The following KRT76 variants were observed in gnomAD, a reference collection of about 807,000 sequenced individuals.
KRT76 encodes the protein keratin 76.
KRT76 carries 47 observed loss-of-function variants against 44.9 expected under a neutral mutation model. The observed-to-expected ratio is 1.05, with a 90% CI of 0.83 to 1.33. The LOEUF (loss-of-function observed/expected upper bound fraction) is 1.33. Ranked by LOEUF, KRT76 falls within the 40% of genes most tolerant of loss-of-function variation. KRT76 has a pLI of 0.00. For synonymous variants in KRT76, 331 were observed against 294.1 expected, an observed-to-expected ratio of 1.13 and a Z score of -1.28; for missense variants, 860 against 775.8, an observed-to-expected ratio of 1.11 and a Z score of -1.29.
intron 3 of KRT76, 62 bp downstream of exon 3, chr12:52,773,520 C>G (rs1939215999): frequency 1.6e-6 from 2 of 1,256,260 alleles, no homozygotes; most frequent in Non-Finnish European, 2.3e-6. Flanking sequence ...TGGCTGTGCA[C>G]TCTCTCCATG....
chr12:52,772,676 G>A, intron 4 of KRT76, 107 bp downstream of exon 4: 2 of 798,716 alleles, frequency 2.5e-6, no homozygotes, highest in South Asian at 2.9e-5. Flanking sequence ...TGAGTCCTGA[G>A]CCCCATTGCT....
intron 4 of KRT76, among the ~76,000 whole-genome samples, chr12:52,772,472 A>G (rs1222634583): frequency 6.6e-6 from 1 of 152,250 alleles, no homozygotes; most frequent in African/African-American, 2.4e-5. Flanking sequence ...TATCAGCCTG[A>G]AAGTATCAGC....
intron 2 of KRT76, among the ~76,000 whole-genome samples, 182 bp from the exon 3 acceptor site, chr12:52,773,824 ATTCT>A (rs1209259022): frequency 1.4e-5 from 2 of 143,660 alleles, no homozygotes; most frequent in Non-Finnish European, 3.0e-5. Flanking sequence ...CCATATTGAC[ATTCT>A]TTCTTTTTTT....
intron 1 of KRT76, among the ~76,000 whole-genome samples, chr12:52,776,075 G>A (rs1939257467): frequency 1.3e-5 from 2 of 151,242 alleles, no homozygotes; most frequent in South Asian, 4.1e-4. Context: ...TACAGTCAAT[G>A]AGGTCTAACA....
chr12:52,768,637 A>G lies in KRT76; in HGVS notation c.*76T>C. The G allele has an allele frequency of 6.7e-7, 1 of 1,495,718 alleles. No homozygotes were observed. The highest frequency in any genetic ancestry group is 1.4e-5 in the African/African-American group (1 of 72,080). 92.7% of individuals were successfully genotyped at this position (1,495,718 alleles called of 1,614,324 possible). On this transcript the variant is annotated 3_prime_UTR_variant, in exon 9 of 9. Coordinates refer to ENST00000332411, the MANE Select transcript of KRT76 (RefSeq NM_015848.4). ...GTGGTTGACCCTTATGCATCTATTG[A>G]TGCCAAGCAGAGAGTGGGAAACACT...
chr12:52,772,056 A>C, intron 5 of KRT76, 38 bp downstream of exon 5: 1 of 1,607,144 alleles, frequency 6.2e-7, no homozygotes, highest in Non-Finnish European at 8.5e-7. Flanking sequence ...TTCTCAATGA[A>C]GGTCATCAGG....
At position 52,776,767 on chromosome 12, in the gene KRT76, C is replaced by A. The variant is rs753789537; in HGVS notation, c.525G>T (p.Gln175His). The A allele has an allele frequency of 5.0e-6, 8 of 1,614,084 alleles. No homozygotes were observed. Among genetic ancestry groups the A allele is most frequent in the Non-Finnish European group, 6.8e-6 (8 of 1,180,018 alleles). The change falls in exon 1 of 9, where the codon CAG becomes CAT. Residue 175 changes from glutamine (Q) to histidine (H), a missense_variant. By Grantham distance (24) the Gln-to-His change is conservative. Coordinates refer to ENST00000332411, the MANE Select transcript of KRT76 (RefSeq NM_015848.4). ...GCTCCTGGGCCTTTACTTGCCCAAT[C>A]TGGGGGTCGATCTCCACATTGAGGG... ...LQPLNVEIDP[Q>H]IGQVKAQERE...
chr12:52,775,982 T>C (rs1939255614), intron 1 of KRT76, among the ~76,000 whole-genome samples: 1 of 152,144 alleles, frequency 6.6e-6, no homozygotes, highest in African/African-American at 2.4e-5. Flanking sequence ...TCCTTCAGAA[T>C]ACCACTGAAG....
Position 52,775,435 on chromosome 12 carries a change from C to A in KRT76, c.768G>T (p.Glu256Asp), listed in dbSNP as rs536165557. Residue 256 changes from glutamate to aspartate, a missense_variant, in exon 2 of 9, where the codon GAG (glutamate) becomes GAT (aspartate). Transcript: ENST00000332411. Reference protein sequence around the residue: ...DSLLGERGNLEGELKSMQDLV... With the variant: ...DSLLGERGNLDGELKSMQDLV... ...GGTCCTGCATGCTTTTCAGCTCTCCCTCCAGGTTCCCCCTCTCCCCTAGAA... is the reference window on the plus strand; with the variant it reads ...GGTCCTGCATGCTTTTCAGCTCTCCATCCAGGTTCCCCCTCTCCCCTAGAA... 6.8e-6 allele frequency: 11 copies of A among 1,614,178 alleles called. No homozygotes were observed. In the South Asian group the frequency reaches 1.1e-4, roughly 16 times the overall value.
intron 7 of KRT76, among the ~76,000 whole-genome samples, chr12:52,769,997 G>T (rs1401611090): frequency 6.6e-6 from 1 of 152,182 alleles, no homozygotes; most frequent in Non-Finnish European, 1.5e-5. Flanking sequence ...CTCCTGGGGT[G>T]GTGGTGACAT....
chr12:52,775,105 G>T (rs1592294994), intron 2 of KRT76, among the ~76,000 whole-genome samples: 1 of 152,298 alleles, frequency 6.6e-6, no homozygotes, highest in Non-Finnish European at 1.5e-5. Flanking sequence ...GTCAAGTGTG[G>T]CGGACTCCCC....
chr12:52,770,785 T>G (rs1053560222), intron 7 of KRT76, among the ~76,000 whole-genome samples: 1 of 152,170 alleles, frequency 6.6e-6, no homozygotes, highest in African/African-American at 2.4e-5. Flanking sequence ...TCAATAGAGA[T>G]ATGTAACATG....
Position 52,770,888 on chromosome 12 carries a change from T to C in KRT76, c.1484+111A>G, listed in dbSNP as rs890097256. The C allele has an allele frequency of 1.3e-5, 18 of 1,384,400 alleles. No homozygotes were observed. The Admixed American group carries it at 2.4e-4, about 18-fold the overall frequency. The allele number at this position is 1,384,400 out of a possible 1,614,324, so 85.8% of individuals were successfully genotyped here. A position where few individuals can be genotyped will look rare whatever the true frequency, so the allele number is the denominator to read the frequency against. On this transcript the variant is annotated intron_variant, in intron 7 of 8. Coordinates refer to ENST00000332411, the MANE Select transcript of KRT76 (RefSeq NM_015848.4). ...CCCTTGACTCTGTCATTCAAGACAC[T>C]CCTTGCCCTTTGTCTTAGTGTTCCT...
At chr12:52,769,441 G>T in intron 8 of KRT76, 108 bp downstream of exon 8, 1 of 951,348 alleles carries the variant, frequency 1.1e-6, no homozygotes, top group South Asian at 1.3e-5. Context: ...CAGGTGGCCT[G>T]ACTTCCTTGG....
chr12:52,769,603 G>C lies in KRT76; in HGVS notation c.1485-20C>G. ...GACATCCTGAAAAGGAAGAGGAGAG[G>C]TGAATTCTTTCTGTTATGAGTCAAT... On this transcript the variant is annotated intron_variant, in intron 7 of 8. Transcript: ENST00000332411. 1 of 1,611,316 alleles carries C rather than the reference G, an allele frequency of 6.2e-7. No individual in the cohort carries two copies.
rs554038954 is a variant in KRT76 at position 52,768,881 on chromosome 12, G to A, written c.1749C>T (p.Ser583=). The A allele has an allele frequency of 3.3e-5, 54 of 1,613,416 alleles. No individual in the cohort carries two copies. The highest frequency in any genetic ancestry group is 1.9e-4 in the South Asian group (17 of 91,052). Residue 583 remains serine (S), a synonymous_variant, in exon 9 of 9, where the codon AGC becomes AGT. Coordinates refer to ENST00000332411, the MANE Select transcript of KRT76 (RefSeq NM_015848.4). ...AGATGCTACCTGCACCGCCGAGCCTGCTCCCACTACTGCTGCTCTGGTAGC... is the reference window on the plus strand; with the variant it reads ...AGATGCTACCTGCACCGCCGAGCCTACTCCCACTACTGCTGCTCTGGTAGC... ...SGSYQSSSSG[S]RLGGAGSISV...
chr12:52,776,865 G>A lies in KRT76; in HGVS notation c.427C>T (p.Pro143Ser), dbSNP rs750354939. Reference sequence around the variant, plus strand: ...AAGCCCCCAGGGCCAAAGCCACCAGGACCACCAAAGCTGCCAGGCCCACCA... The same window carrying A: ...AAGCCCCCAGGGCCAAAGCCACCAGAACCACCAAAGCTGCCAGGCCCACCA... ...VFGGPGSFGG[P>S]GGFGPGGFPG... The change falls in exon 1 of 9, where the codon CCT becomes TCT. Residue 143 changes from proline to serine, a missense_variant. Coordinates refer to ENST00000332411, the MANE Select transcript of KRT76 (RefSeq NM_015848.4). The A allele has an allele frequency of 2.5e-6, 4 of 1,612,410 alleles. No individual in the cohort carries two copies. Among genetic ancestry groups the A allele is most frequent in the African/African-American group, 2.7e-5 (2 of 74,752 alleles).
chr12:52,776,546 T>C, intron 1 of KRT76, 146 bp downstream of exon 1: 2 of 1,283,914 alleles, frequency 1.6e-6, no homozygotes, highest in Non-Finnish European at 2.1e-6. Context: ...GAAAGGGGCA[T>C]GATCACTGTC....
chr12:52,772,317 C>A, intron 4 of KRT76, 59 bp from the exon 5 acceptor site: 1 of 1,498,020 alleles, frequency 6.7e-7, no homozygotes, highest in Non-Finnish European at 9.0e-7. Flanking sequence ...TGCTGGGAAT[C>A]CTCTACTAGC....
Sources: gnomAD v4.1 joint callset for allele counts (sites outside exome capture counted in the v4.1 genomes callset) on GRCh38, gnomAD v4.1.1 for gene constraint, MANE v1.5 for transcripts, NCBI Gene and HGNC (gene_info 2026-07-23, HGNC 2026-07-21) for gene names.